GABBR2: variants seen among roughly 807,000 people sequenced by gnomAD.
GABBR2 encodes the protein gamma-aminobutyric acid type B receptor subunit 2.
GABBR2 carries 23 observed loss-of-function variants against 105.6 expected under a neutral mutation model. The ratio of observed to expected loss-of-function variants is 0.22; its 90% CI spans 0.16 to 0.31. The LOEUF (loss-of-function observed/expected upper bound fraction) is 0.31, where lower values mean the gene tolerates loss of function less well. Among genes scored for constraint, GABBR2 ranks in the 10% least tolerant of loss-of-function variants. The probability of loss-of-function intolerance (pLI) is 1.00; values close to 1 mark genes in which losing one functional copy is unlikely to be tolerated. For missense variants in GABBR2, 734 were observed against 1,245.5 expected (o/e 0.59, Z 6.18); for synonymous variants, 478 against 499.7 (o/e 0.96, Z 0.58).
At chr9:98,405,896 G>A (rs1054333294) in intron 8 of GABBR2, among the ~76,000 whole-genome samples, 185 bp downstream of exon 8, 2 of 146,018 alleles carry the variant, frequency 1.4e-5, no homozygotes, top group Non-Finnish European at 1.5e-5. Context: ...ATCATGATGC[G>A]GCTGAGAAAA....
intron 3 of GABBR2, among the ~76,000 whole-genome samples, chr9:98,523,960 C>T (rs1827912762): frequency 6.6e-6 from 1 of 151,280 alleles, no homozygotes; most frequent in South Asian, 2.1e-4. Context: ...AGCAAACTAT[C>T]TAATCAAGGG....
At chr9:98,415,645 T>A (rs749368179) in intron 7 of GABBR2, among the ~76,000 whole-genome samples, 1 of 152,138 alleles carries the variant, frequency 6.6e-6, no homozygotes, top group South Asian at 2.1e-4. Flanking sequence ...TTATTTAAGA[T>A]TTTTTTCCCC....
chr9:98,524,580 T>A (rs1448056755), intron 3 of GABBR2, among the ~76,000 whole-genome samples: 2 of 152,220 alleles, frequency 1.3e-5, no homozygotes, highest in African/African-American at 2.4e-5. Context: ...CTCCCTCAAG[T>A]TGAGAAGTGA....
intron 3 of GABBR2, among the ~76,000 whole-genome samples, chr9:98,505,238 A>G (rs1182054474): frequency 6.6e-6 from 1 of 152,222 alleles, no homozygotes; most frequent in Non-Finnish European, 1.5e-5. Flanking sequence ...CCTTCTGAGA[A>G]ATGGAGCCAC....
At chr9:98,614,256 G>A (rs1197676801) in intron 1 of GABBR2, among the ~76,000 whole-genome samples, 5 of 152,228 alleles carry the variant, frequency 3.3e-5, no homozygotes, top group African/African-American at 7.2e-5. Context: ...GGGCGCGGTG[G>A]CTCACGCCTG....
At chr9:98,410,106 C>T (rs982188289) in intron 7 of GABBR2, among the ~76,000 whole-genome samples, 1 of 147,604 alleles carries the variant, frequency 6.8e-6, no homozygotes, top group African/African-American at 2.7e-5. Flanking sequence ...CCTAACACCC[C>T]AGCTTGAGCT....
chr9:98,587,408 A>G (rs996209203), intron 1 of GABBR2, among the ~76,000 whole-genome samples: 1 of 152,168 alleles, frequency 6.6e-6, no homozygotes, highest in African/African-American at 2.4e-5. Flanking sequence ...CTAAATCAGC[A>G]CCTATTATCT....
rs1388441785 is a variant in GABBR2 at position 98,483,318 on chromosome 9, T to C, written c.733-2321A>G. The stretch of plus-strand genomic sequence containing the variant: ...ACTGCCCTGAGTTTGGTTACCATCA[T>C]TCCTTACTCAGTGAACAGCAACAGC... On this transcript the variant is annotated intron_variant, in intron 4 of 18. Coordinates refer to ENST00000259455, the MANE Select transcript of GABBR2 (RefSeq NM_005458.8). Among the ~76,000 whole-genome samples the C allele has an allele frequency of 3.3e-5, 5 of 152,128 alleles. No individual in the cohort carries two copies. The East Asian group carries it at 9.7e-4, about 29-fold the overall frequency.
chr9:98,418,406 ACTC>A (rs1832725468), intron 7 of GABBR2, among the ~76,000 whole-genome samples: 1 of 151,834 alleles, frequency 6.6e-6, no homozygotes, highest in South Asian at 2.1e-4. Flanking sequence ...GTGGTGGTGC[ACTC>A]CTCTAGTCTC....
In GABBR2 at chr9:98,590,769, C is replaced by T. The variant is rs368546456; in HGVS notation, c.322-12697G>A. On this transcript the variant is annotated intron_variant, in intron 1 of 18. Coordinates refer to ENST00000259455, the MANE Select transcript of GABBR2 (RefSeq NM_005458.8). The stretch of plus-strand genomic sequence containing the variant: ...GCACATTGGTTCAACATTGGCTGGG[C>T]GCCTGAGCTAGGTAGGGGAAGATGA... Among the ~76,000 whole-genome samples the T allele has an allele frequency of 8.7e-4, 132 of 152,306 alleles. 1 individual carries two copies. Among genetic ancestry groups the T allele is most frequent in the African/African-American group, 2.6e-3 (109 of 41,566 alleles).
intron 1 of GABBR2, among the ~76,000 whole-genome samples, chr9:98,632,089 G>A (rs1400259939): frequency 1.3e-5 from 2 of 152,196 alleles, no homozygotes; most frequent in African/African-American, 2.4e-5. Context: ...CCCCAGGGTG[G>A]TATGTATGCC....
rs989650812 is a variant in GABBR2 at position 98,454,799 on chromosome 9, C to G, written c.1000-582G>C. Among the ~76,000 whole-genome samples the G allele has an allele frequency of 1.3e-5, 2 of 151,952 alleles. No homozygotes were observed. The highest frequency in any genetic ancestry group is 2.9e-5 in the Non-Finnish European group (2 of 67,986). On this transcript the variant is annotated intron_variant, in intron 6 of 18. Coordinates refer to ENST00000259455, the MANE Select transcript of GABBR2 (RefSeq NM_005458.8). This position sits in a 1 kb window ranked among gnomAD's most constrained non-coding sequence, Gnocchi z 4.6. Reference sequence around the variant, plus strand: ...TTCCCACCCCTCTCCATCCTGCAGCCCAGCCAGGCTCAGTCCATACCTCCT... The same window carrying G: ...TTCCCACCCCTCTCCATCCTGCAGCGCAGCCAGGCTCAGTCCATACCTCCT...
intron 1 of GABBR2, among the ~76,000 whole-genome samples, chr9:98,634,923 C>T (rs1051163614): frequency 2.0e-5 from 3 of 152,214 alleles, no homozygotes; most frequent in Non-Finnish European, 4.4e-5. Flanking sequence ...CTTCTGTTTC[C>T]GGCAACTCCC....
intron 1 of GABBR2, among the ~76,000 whole-genome samples, chr9:98,612,340 T>C (rs1829516839): frequency 6.6e-6 from 1 of 152,204 alleles, no homozygotes; most frequent in African/African-American, 2.4e-5. Context: ...GCCAGGGCTA[T>C]GCTTGGATGC....
intron 5 of GABBR2, among the ~76,000 whole-genome samples, chr9:98,474,249 G>T (rs1826744303): frequency 6.6e-6 from 1 of 152,008 alleles, no homozygotes; most frequent in Non-Finnish European, 1.5e-5. Flanking sequence ...TGACTTTAAG[G>T]GTACAAAGCT....
At chr9:98,384,231 C>T (rs980771775) in intron 11 of GABBR2, among the ~76,000 whole-genome samples, 1 of 152,214 alleles carries the variant, frequency 6.6e-6, no homozygotes, top group Non-Finnish European at 1.5e-5. Context: ...TCCAGAAATA[C>T]ATCCCAACTG....
intron 2 of GABBR2, 86 bp downstream of exon 2, chr9:98,577,849 C>A: frequency 7.4e-7 from 1 of 1,350,380 alleles, no homozygotes; most frequent in Non-Finnish European, 1.0e-6. Context: ...AACATAGAAA[C>A]CACATTGTAC....
chr9:98,385,695 A>T lies in GABBR2; in HGVS notation c.1607T>A (p.Leu536His). ...GACAAAGGATCCATCAAGGCCAAAG[A>T]GAAATATGGAAGCATAGGAGAGCAT... is the stretch of plus-strand genomic sequence containing the variant. ...GGMLSYASIFLFGLDGSFVSE... is the reference protein window; with the variant it reads ...GGMLSYASIFHFGLDGSFVSE... The change falls in exon 11 of 19, where the codon CTC becomes CAC. Residue 536 changes from leucine (L) to histidine (H), a missense_variant. By Grantham distance (99) the Leu-to-His change is moderately conservative (BLOSUM62 -3). This residue lies in a region of GABBR2 where 370 missense variants were observed against 648.9 expected (regional missense o/e 0.57). Coordinates refer to ENST00000259455, the MANE Select transcript of GABBR2 (RefSeq NM_005458.8). The T allele has an allele frequency of 6.2e-7, 1 of 1,611,720 alleles. No homozygotes were observed. The highest frequency in any genetic ancestry group is 8.5e-7 in the Non-Finnish European group (1 of 1,177,760).
intron 1 of GABBR2, among the ~76,000 whole-genome samples, chr9:98,705,153 T>A (rs1240731051): frequency 6.6e-6 from 1 of 152,218 alleles, no homozygotes; most frequent in Non-Finnish European, 1.5e-5. Context: ...TTATCTGTAT[T>A]TTCAGTTGTC....
Sources: gnomAD v4.1 joint callset for allele counts (sites outside exome capture counted in the v4.1 genomes callset) on GRCh38, gnomAD v4.1.1 for gene constraint, gnomAD v4.1.1 regional missense constraint, Gnocchi (gnomAD v3.1) non-coding constraint, MANE v1.5 for transcripts, NCBI Gene and HGNC (gene_info 2026-07-23, HGNC 2026-07-21) for gene names.